DOCK4: variants seen among roughly 807,000 people sequenced by gnomAD.
DOCK4 encodes the protein dedicator of cytokinesis protein 4.
DOCK4 carries 97 observed loss-of-function variants against 268.1 expected under a neutral mutation model. That is an observed-to-expected ratio of 0.36 (90% CI 0.31 to 0.43). The LOEUF (loss-of-function observed/expected upper bound fraction) is 0.43, where lower values mean the gene tolerates loss of function less well. DOCK4 is among the 20% of genes least tolerant of loss of function. The pLI, the probability that DOCK4 is intolerant of heterozygous loss-of-function variation, is 1.00. For missense variants in DOCK4, 2,145 were observed against 2,455.7 expected, an observed-to-expected ratio of 0.87 and a Z score of 2.67; for synonymous variants, 954 against 887.2, an observed-to-expected ratio of 1.08 and a Z score of -1.34.
chr7:111,986,067 C>G (rs1799028473), intron 6 of DOCK4, among the ~76,000 whole-genome samples: 1 of 152,186 alleles, frequency 6.6e-6, no homozygotes, highest in Non-Finnish European at 1.5e-5. Context: ...ATCTCCCCTT[C>G]CTGAGCCACA....
At chr7:111,794,694 TACA>T (rs910955800) in intron 30 of DOCK4, among the ~76,000 whole-genome samples, 32 of 152,282 alleles carry the variant, frequency 2.1e-4, no homozygotes, top group African/African-American at 7.2e-4. Flanking sequence ...ATTTGCTCCC[TACA>T]ACAACTCTAG....
chr7:112,042,140 A>T (rs1804432809), intron 1 of DOCK4, among the ~76,000 whole-genome samples: 1 of 151,282 alleles, frequency 6.6e-6, no homozygotes, highest in Non-Finnish European at 1.5e-5. Flanking sequence ...TTCTTAAATA[A>T]AAAAAAAAGA....
intron 26 of DOCK4, among the ~76,000 whole-genome samples, chr7:111,830,493 C>T (rs1206894044): frequency 6.6e-6 from 1 of 152,042 alleles, no homozygotes; most frequent in Non-Finnish European, 1.5e-5. Context: ...AAATAAATGT[C>T]CTCTAGCCTG....
In DOCK4 at chr7:111,739,445, A is replaced by T; in HGVS notation, c.5073T>A (p.Thr1691=). 1 of 1,574,532 alleles carries T rather than the reference A, an allele frequency of 6.4e-7. No homozygotes were observed. Among genetic ancestry groups the T allele is most frequent in the Non-Finnish European group, 8.6e-7 (1 of 1,159,964 alleles). ...PSPSTSSLSS[T]HSASPNVTSS... ...TTGTCACATTAGGTGAAGCCGAGTG[A>T]GTAGAACTCAAGCTTGAGGTAGATG... The change falls in exon 48 of 53, where the codon ACT becomes ACA. Residue 1691 remains threonine (T), a synonymous_variant. Transcript: ENST00000428084.
At chr7:112,159,991 C>T (rs1816960455) in intron 1 of DOCK4, among the ~76,000 whole-genome samples, 1 of 152,016 alleles carries the variant, frequency 6.6e-6, no homozygotes, top group Admixed American at 6.5e-5. Flanking sequence ...GGAGTACCAA[C>T]ATGACACTCC....
intron 30 of DOCK4, 50 bp downstream of exon 30, chr7:111,808,771 G>T (rs758803686): frequency 6.4e-7 from 1 of 1,561,670 alleles, no homozygotes; most frequent in Non-Finnish European, 8.8e-7. Context: ...ACACTTCAAG[G>T]TACAGCGAGG....
intron 51 of DOCK4, among the ~76,000 whole-genome samples, 152 bp downstream of exon 51, chr7:111,734,902 G>C (rs978354902): frequency 1.3e-5 from 2 of 152,210 alleles, no homozygotes; most frequent in African/African-American, 2.4e-5. Context: ...GTTCAGGAAA[G>C]AGGGAGACAA....
At chr7:111,785,829 T>C (rs1563501950) in intron 32 of DOCK4, among the ~76,000 whole-genome samples, 1 of 152,196 alleles carries the variant, frequency 6.6e-6, no homozygotes, top group Non-Finnish European at 1.5e-5. Context: ...TCATTGCTAA[T>C]TGATAAGGCT....
At chr7:112,181,084 C>A (rs185067769) in intron 1 of DOCK4, among the ~76,000 whole-genome samples, 1 of 152,180 alleles carries the variant, frequency 6.6e-6, no homozygotes, top group Non-Finnish European at 1.5e-5. Context: ...ATTTGGTATA[C>A]TAACATCACT....
intron 32 of DOCK4, among the ~76,000 whole-genome samples, chr7:111,787,236 A>G (rs537043828): frequency 6.6e-6 from 1 of 152,278 alleles, no homozygotes; most frequent in Admixed American, 6.5e-5. Context: ...CAAGAGATTC[A>G]TTTCACTGAG....
At chr7:112,090,227 GATAA>G (rs1344069641) in intron 1 of DOCK4, among the ~76,000 whole-genome samples, 1 of 152,062 alleles carries the variant, frequency 6.6e-6, no homozygotes, top group African/African-American at 2.4e-5. Context: ...GTTCTAAAAA[GATAA>G]ATAAATTATA....
chr7:112,051,407 T>A (rs1384178341), intron 1 of DOCK4, among the ~76,000 whole-genome samples: 1 of 152,080 alleles, frequency 6.6e-6, no homozygotes, highest in African/African-American at 2.4e-5. Context: ...TTAGTTATAC[T>A]TTTTAGGTGG....
intron 36 of DOCK4, among the ~76,000 whole-genome samples, chr7:111,773,559 C>A (rs550619865): frequency 3.3e-5 from 5 of 152,226 alleles, no homozygotes; most frequent in African/African-American, 1.2e-4. Flanking sequence ...AAAAAGTTTA[C>A]TGTTTTTTTT....
chr7:111,987,135 G>C (rs76691688), intron 6 of DOCK4, among the ~76,000 whole-genome samples: 1 of 152,252 alleles, frequency 6.6e-6, no homozygotes, highest in East Asian at 1.9e-4. Context: ...TGAAGTTGAA[G>C]ATGATCTAAA....
intron 1 of DOCK4, among the ~76,000 whole-genome samples, chr7:112,110,035 C>T (rs1281895928): frequency 2.0e-5 from 3 of 152,154 alleles, no homozygotes; most frequent in Non-Finnish European, 4.4e-5. Flanking sequence ...TGAGCCACCG[C>T]GCCCGGCCGT....
intron 1 of DOCK4, among the ~76,000 whole-genome samples, chr7:112,048,963 G>A (rs1805106251): frequency 6.6e-6 from 1 of 151,466 alleles, no homozygotes; most frequent in South Asian, 2.1e-4. Flanking sequence ...TTTCAGAAAC[G>A]AATGTTAGAT....
At position 111,908,939 on chromosome 7, in the gene DOCK4, C is replaced by T. The variant is rs546991066; in HGVS notation, c.1192+6840G>A. Among the ~76,000 whole-genome samples the T allele has an allele frequency of 5.3e-5, 8 of 152,258 alleles. No homozygotes were observed. The South Asian group carries it at 1.7e-3, about 32-fold the overall frequency. ...CTTTATGCAATCTATCATTGATGGGCATTTGGGTTGGTTCCTAGTCTTTGC... is the reference window on the plus strand; with the variant it reads ...CTTTATGCAATCTATCATTGATGGGTATTTGGGTTGGTTCCTAGTCTTTGC... On this transcript the variant is annotated intron_variant, in intron 13 of 52. Transcript: ENST00000428084.
At chr7:111,930,460 G>A (rs973344592) in intron 12 of DOCK4, among the ~76,000 whole-genome samples, 2 of 152,136 alleles carry the variant, frequency 1.3e-5, no homozygotes, top group Non-Finnish European at 2.9e-5. Context: ...ATTTGTTTCC[G>A]AAACCAATTT....
At chr7:111,897,702 C>T (rs1161976258) in intron 15 of DOCK4, among the ~76,000 whole-genome samples, 4 of 152,168 alleles carry the variant, frequency 2.6e-5, no homozygotes, top group African/African-American at 4.8e-5. Flanking sequence ...CTCAGTAGAC[C>T]AACCACTGAA....
Sources: gnomAD v4.1 joint callset for allele counts (sites outside exome capture counted in the v4.1 genomes callset) on GRCh38, gnomAD v4.1.1 for gene constraint, MANE v1.5 for transcripts, NCBI Gene and HGNC (gene_info 2026-07-23, HGNC 2026-07-21) for gene names.